Variants in EWSR1 observed in about 807,000 individuals in gnomAD.
EWSR1 encodes RNA-binding protein EWS.
In EWSR1, 14 loss-of-function variants were observed where a neutral mutation model predicts 92.1. The ratio of observed to expected loss-of-function variants is 0.15; its 90% confidence interval spans 0.10 to 0.24. The LOEUF (loss-of-function observed/expected upper bound fraction) is 0.24. Among genes scored for constraint, EWSR1 ranks in the 10% least tolerant of loss-of-function variants. The pLI is 1.00. For synonymous variants in EWSR1, 303 were observed against 292.9 expected, an observed-to-expected ratio of 1.03 and a Z score of -0.35; for missense variants, 637 against 870.9, an observed-to-expected ratio of 0.73 and a Z score of 3.38.
chr22:29,285,573 C>G (rs929099381), intron 6 of EWSR1, among the ~76,000 whole-genome samples: 2 of 151,408 alleles, frequency 1.3e-5, no homozygotes, highest in Non-Finnish European at 2.9e-5. Flanking sequence ...GTTAATCAGG[C>G]ATGTCTGAAA....
In EWSR1 at chr22:29,296,371, G is replaced by A. The variant is rs775537109; in HGVS notation, c.1294+3G>A. 4.3e-6 allele frequency: 7 copies of A among 1,613,794 alleles called. No homozygotes were observed. The highest frequency in any genetic ancestry group is 4.0e-5 in the African/African-American group (3 of 74,922). ...GGCTGCCGTGGAATGGTTTGATGGT[G>A]AGATGTACTCACTGGCATTCTTAAT... On this transcript the variant is annotated splice_donor_region_variant and intron_variant, in intron 12 of 16. Transcript: ENST00000397938.
At chr22:29,271,079 T>C (rs950153005) in intron 1 of EWSR1, among the ~76,000 whole-genome samples, 1 of 152,224 alleles carries the variant, frequency 6.6e-6, no homozygotes, top group Non-Finnish European at 1.5e-5. Context: ...AGGCTGGCTT[T>C]GGATTCCATG....
chr22:29,300,302 A>T lies in EWSR1; in HGVS notation c.*141A>T. 1.2e-6 allele frequency: 1 copy of T among 813,058 alleles called. No individual in the cohort carries two copies. The highest frequency in any genetic ancestry group is 2.0e-5 in the South Asian group (1 of 49,508). The allele number at this position is 813,058 out of a possible 1,614,324, so 50.4% of individuals were successfully genotyped here. ...TGTCTGTACTTTAGTATTTTTCACC[A>T]TTTGTGAAGAAACATTAAAACAAGT... On this transcript the variant is annotated 3_prime_UTR_variant, in exon 17 of 17. Coordinates refer to ENST00000397938, the MANE Select transcript of EWSR1 (RefSeq NM_005243.4).
intron 11 of EWSR1, chr22:29,295,715 G>A (rs1324104327): frequency 1.4e-5 from 3 of 216,980 alleles, no homozygotes; most frequent in Admixed American, 5.8e-5. Context: ...ATACAAGGTA[G>A]CTCCTGAATT....
Position 29,292,600 on chromosome 22 carries a change from T to G in EWSR1, c.1158T>G (p.Val386=). 6.2e-7 allele frequency: 1 copy of G among 1,605,050 alleles called. No individual in the cohort carries two copies. Among genetic ancestry groups the G allele is most frequent in the Non-Finnish European group, 8.5e-7 (1 of 1,172,242 alleles). The change falls in exon 11 of 17, where the codon GTT becomes GTG. Residue 386 remains valine (V), a synonymous_variant. Transcript: ENST00000397938. ...DLADFFKQCG[V]VKMNKRTGQP... is the part of the protein sequence containing the mutation. ...CAGACTTCTTTAAGCAGTGTGGGGT[T>G]GTTAAGGTCAGTAAAAGCATAACCA...
At chr22:29,286,321 A>G (rs1034302494) in intron 6 of EWSR1, among the ~76,000 whole-genome samples, 2 of 151,866 alleles carry the variant, frequency 1.3e-5, no homozygotes, top group African/African-American at 2.4e-5. Flanking sequence ...CCAGCTGAAA[A>G]TGACCATTGT....
At chr22:29,274,430 G>A in intron 4 of EWSR1, 3 of 798,028 alleles carry the variant, frequency 3.8e-6, no homozygotes, top group South Asian at 1.6e-5. Flanking sequence ...ACTGCTTCAG[G>A]TGCCATTTGC....
Position 29,296,382 on chromosome 22 carries a change from A to G in EWSR1, c.1294+14A>G. 1 of 1,613,084 alleles carries G rather than the reference A, an allele frequency of 6.2e-7. No homozygotes were observed. ...AATGGTTTGATGGTGAGATGTACTC[A>G]CTGGCATTCTTAATCTCCCTGGCTA... is the stretch of plus-strand genomic sequence containing the variant. On this transcript the variant is annotated intron_variant, in intron 12 of 16. Coordinates refer to ENST00000397938, the MANE Select transcript of EWSR1 (RefSeq NM_005243.4).
chr22:29,299,913 G>C, intron 16 of EWSR1, 62 bp downstream of exon 16: 7 of 1,532,918 alleles, frequency 4.6e-6, no homozygotes, highest in Non-Finnish European at 6.1e-6. Context: ...GCCCTTCCCA[G>C]CTTGGTTGGC....
chr22:29,295,281 G>C (rs1216994861), intron 11 of EWSR1, among the ~76,000 whole-genome samples: 5 of 152,120 alleles, frequency 3.3e-5, no homozygotes, highest in African/African-American at 1.2e-4. Flanking sequence ...TCCTGGTTAA[G>C]AAAGTAGTAT....
intron 6 of EWSR1, among the ~76,000 whole-genome samples, chr22:29,283,131 C>T (rs1271032181): frequency 6.6e-6 from 1 of 152,182 alleles, no homozygotes; most frequent in Non-Finnish European, 1.5e-5. Flanking sequence ...TAAGTTTCTT[C>T]CTTTTGCTGT....
chr22:29,274,151 T>TA, intron 4 of EWSR1: 1 of 1,155,258 alleles, frequency 8.7e-7, no homozygotes, highest in Non-Finnish European at 1.3e-6. Context: ...CTAATGCTAA[T>TA]ACTGAGTAAG....
chr22:29,270,652 T>C (rs1432817639), intron 1 of EWSR1, among the ~76,000 whole-genome samples: 1 of 152,250 alleles, frequency 6.6e-6, no homozygotes, highest in Non-Finnish European at 1.5e-5. Context: ...ATAACTGCTC[T>C]TGCGTAAAAG....
At chr22:29,274,801 G>C (rs895512688) in intron 4 of EWSR1, among the ~76,000 whole-genome samples, 1 of 152,112 alleles carries the variant, frequency 6.6e-6, no homozygotes, top group Non-Finnish European at 1.5e-5. Context: ...ATTGTATTCC[G>C]ATACTGAGGT....
At chr22:29,295,589 C>CTT (rs1365231744) in intron 11 of EWSR1, 1 of 224,310 alleles carries the variant, frequency 4.5e-6, no homozygotes, top group Non-Finnish European at 8.9e-6. Context: ...CTGTTGTAAT[C>CTT]TTTTTTAAGT....
intron 6 of EWSR1, among the ~76,000 whole-genome samples, chr22:29,285,122 GTTT>G (rs35739164): frequency 1.8e-5 from 2 of 111,606 alleles, no homozygotes; most frequent in Admixed American, 1.0e-4. Context: ...TCTGGCCCTT[GTTT>G]TTTTTTTTTT....
intron 14 of EWSR1, 55 bp downstream of exon 14, chr22:29,298,950 A>C (rs984512464): frequency 1.3e-6 from 2 of 1,486,434 alleles, no homozygotes; most frequent in African/African-American, 2.8e-5. Context: ...CCCTTCCCTC[A>C]CCCCATCCCC....
At position 29,300,254 on chromosome 22, in the gene EWSR1, G is replaced by GCCACAACATTATGATTATT. The variant is rs1188763711; in HGVS notation, c.*96_*114dup. 1.7e-6 allele frequency: 2 copies of GCCACAACATTATGATTATT among 1,187,778 alleles called. No homozygotes were observed. Among genetic ancestry groups the GCCACAACATTATGATTATT allele is most frequent in the Non-Finnish European group, 2.5e-6 (2 of 810,996 alleles). The allele number at this position is 1,187,778 out of a possible 1,614,324, so 73.6% of individuals were successfully genotyped here. On this transcript the variant is annotated 3_prime_UTR_variant, in exon 17 of 17. Transcript: ENST00000397938. ...TTATAATTCCATATTTATAATGTTG[G>GCCACAACATTATGATTATT]CCACAACATTATGATTATTCCTTGT... is the stretch of plus-strand genomic sequence containing the variant.
chr22:29,296,612 T>G (rs1184972923), intron 12 of EWSR1, among the ~76,000 whole-genome samples: 1 of 152,218 alleles, frequency 6.6e-6, no homozygotes, highest in Non-Finnish European at 1.5e-5. Flanking sequence ...AAGCACAGAT[T>G]ATCAGAAGGT....
Sources: gnomAD v4.1 joint callset for allele counts (sites outside exome capture counted in the v4.1 genomes callset) on GRCh38, gnomAD v4.1.1 for gene constraint, MANE v1.5 for transcripts, NCBI Gene and HGNC (gene_info 2026-07-23, HGNC 2026-07-21) for gene names.